NRG4: variants seen among roughly 807,000 people sequenced by gnomAD.
NRG4 encodes the protein pro-neuregulin-4, membrane-bound isoform.
NRG4 carries 10 observed loss-of-function variants against 15.0 expected under a neutral mutation model. That is an observed-to-expected ratio of 0.67 (90% CI 0.41 to 1.13). The LOEUF is 1.13. NRG4 is among the 50% of genes most tolerant of loss of function. The pLI, the probability that NRG4 is intolerant of heterozygous loss-of-function variation, is 0.00. For synonymous variants in NRG4, 41 were observed against 50.1 expected (o/e 0.82, Z 0.77); for missense variants, 139 against 140.2 (o/e 0.99, Z 0.04).
intron 4 of NRG4, among the ~76,000 whole-genome samples, chr15:75,958,721 C>A (rs2032366344): frequency 6.6e-6 from 1 of 152,124 alleles, no homozygotes; most frequent in Non-Finnish European, 1.5e-5. Context: ...GCTTTTCCTT[C>A]TATTATACCT....
intron 3 of NRG4, among the ~76,000 whole-genome samples, chr15:75,970,725 T>C (rs1057118016): frequency 1.3e-5 from 2 of 152,246 alleles, no homozygotes; most frequent in African/African-American, 2.4e-5. Flanking sequence ...ACAAGATGCA[T>C]GGAGGAAAGT....
Position 76,011,220 on chromosome 15 carries a change from C to T in NRG4, c.10+1G>A. The T allele has an allele frequency of 1.4e-6, 2 of 1,445,698 alleles. No homozygotes were observed. The highest frequency in any genetic ancestry group is 1.6e-5 in the South Asian group (1 of 60,716). 89.6% of individuals were successfully genotyped at this position (1,445,698 alleles called of 1,614,324 possible). A position where few individuals can be genotyped will look rare whatever the true frequency, so the allele number is the denominator to read the frequency against. The stretch of plus-strand genomic sequence containing the variant: ...AAACATATAAATATATAAGAAATTA[C>T]CTGTTGGCATCTTAATTTGTAAATA... On this transcript the variant is annotated splice_donor_variant, in intron 2 of 5. Transcript: ENST00000394907. LOFTEE classifies it high-confidence loss of function.
At chr15:76,008,327 C>T (rs1004545986) in intron 3 of NRG4, among the ~76,000 whole-genome samples, 4 of 152,138 alleles carry the variant, frequency 2.6e-5, no homozygotes, top group African/African-American at 9.7e-5. Flanking sequence ...GGTTATTTCT[C>T]TCTGCCTCCT....
At chr15:75,985,941 T>C (rs1025935941) in intron 3 of NRG4, among the ~76,000 whole-genome samples, 1 of 152,184 alleles carries the variant, frequency 6.6e-6, no homozygotes, top group Non-Finnish European at 1.5e-5. Context: ...CTTTATTATA[T>C]AAACAATTTC....
intron 3 of NRG4, among the ~76,000 whole-genome samples, chr15:75,998,607 G>A (rs1294961075): frequency 6.6e-6 from 1 of 152,124 alleles, no homozygotes; most frequent in Non-Finnish European, 1.5e-5. Flanking sequence ...AGGTTTTATA[G>A]GCCACTGGCT....
chr15:76,020,131 G>A (rs553099699), intron 5 of NRG4, among the ~76,000 whole-genome samples: 2 of 152,274 alleles, frequency 1.3e-5, no homozygotes, highest in South Asian at 4.2e-4. Context: ...GTGTAAGATA[G>A]AGAACTTAAT....
At chr15:76,032,172 A>C (rs1459262268) in intron 5 of NRG4, among the ~76,000 whole-genome samples, 1 of 152,198 alleles carries the variant, frequency 6.6e-6, no homozygotes, top group Non-Finnish European at 1.5e-5. Context: ...GTAGAAATAG[A>C]CCAAAAAGAT....
At chr15:75,954,258 TTTTTTTG>T (rs1156924435) in intron 5 of NRG4, among the ~76,000 whole-genome samples, 2 of 148,778 alleles carry the variant, frequency 1.3e-5, no homozygotes. Flanking sequence ...CCAGTTTTTG[TTTTTTTG>T]TTTTTTTTTT....
upstream of NRG4, among the ~76,000 whole-genome samples, chr15:76,012,808 TATAA>T (rs2034858288): frequency 1.3e-5 from 2 of 152,324 alleles, no homozygotes; most frequent in South Asian, 4.1e-4. Context: ...ATAAAATTTA[TATAA>T]ATAATGACCT....
chr15:75,966,097 T>G (rs1024563924), intron 3 of NRG4, among the ~76,000 whole-genome samples: 9 of 151,894 alleles, frequency 5.9e-5, no homozygotes, highest in Non-Finnish European at 8.8e-5. Flanking sequence ...ACAAATTGGT[T>G]TTCTGGCTGA....
At chr15:76,041,361 G>C (rs2035733288) in intron 4 of NRG4, among the ~76,000 whole-genome samples, 1 of 151,406 alleles carries the variant, frequency 6.6e-6, no homozygotes, top group Admixed American at 6.6e-5. Context: ...CAAAAGACAG[G>C]GTGGCTGAAT....
intron 3 of NRG4, among the ~76,000 whole-genome samples, chr15:75,990,432 T>A (rs1190542987): frequency 1.3e-5 from 2 of 152,170 alleles, no homozygotes; most frequent in African/African-American, 4.8e-5. Context: ...TCTCTAAGCT[T>A]GTTCTCCTTC....
rs558925269 is a variant in NRG4 at position 76,044,297 on chromosome 15, C to T, written c.-105+7770G>A. ...GATTACAGGCGTGAGCCACCGCGCC[C>T]GGCCACATGAACTCATTTTTGACAA... On this transcript the variant is annotated intron_variant, in intron 4 of 8. Coordinates refer to the NRG4 transcript ENST00000563910. Among the ~76,000 whole-genome samples the T allele has an allele frequency of 7.1e-4, 107 of 150,770 alleles. 4 individuals are homozygous for T. The highest frequency in any genetic ancestry group is 2.3e-3 in the African/African-American group (95 of 40,524).
chr15:76,015,388 A>C (rs1338950320), upstream of NRG4, among the ~76,000 whole-genome samples: 1 of 152,166 alleles, frequency 6.6e-6, no homozygotes, highest in Non-Finnish European at 1.5e-5. Context: ...GTTGAATAGG[A>C]ATGGTGAGAG....
At chr15:75,985,241 A>G (rs540049668) in intron 3 of NRG4, among the ~76,000 whole-genome samples, 1 of 152,358 alleles carries the variant, frequency 6.6e-6, no homozygotes, top group East Asian at 1.9e-4. Flanking sequence ...AGTTTTACCC[A>G]CAGTAATGAT....
chr15:75,949,392 C>A (rs1200623111), intron 5 of NRG4, among the ~76,000 whole-genome samples: 13 of 144,390 alleles, frequency 9.0e-5, no homozygotes, highest in African/African-American at 2.6e-4. Context: ...GCCTGGGTGA[C>A]AAAAAAAAAA....
intron 3 of NRG4, among the ~76,000 whole-genome samples, chr15:75,999,066 C>T (rs573020065): frequency 2.6e-4 from 39 of 152,058 alleles, no homozygotes; most frequent in Non-Finnish European, 4.3e-4. Context: ...CAAAGGAAAA[C>T]GGAGTCCAGT....
rs950633070 is a variant in NRG4 at position 75,998,532 on chromosome 15, G to A, written c.104+10668C>T. Among the ~76,000 whole-genome samples the A allele has an allele frequency of 3.3e-5, 5 of 152,180 alleles. No individual in the cohort carries two copies. The East Asian group carries it at 9.6e-4, about 29-fold the overall frequency. On this transcript the variant is annotated intron_variant, in intron 3 of 5. Transcript: ENST00000394907. ...CATCAAAGAGGCTAATTTGGCTGCA[G>A]TAGATTGAGCAATTAGATAGTTGCA...
chr15:75,968,363 G>A (rs28561728), intron 3 of NRG4, among the ~76,000 whole-genome samples: 1,889 of 152,104 alleles, frequency 0.012, 30 homozygotes, highest in African/African-American at 0.043. Context: ...TGAGGTGGGC[G>A]GATCACGTCA....
Sources: allele counts gnomAD v4.1 joint callset (sites outside exome capture counted in the v4.1 genomes callset), GRCh38; gene constraint gnomAD v4.1.1; transcripts MANE v1.5; gene names NCBI Gene and HGNC (gene_info 2026-07-23, HGNC 2026-07-21).